Variants in SPAG4 observed in about 807,000 individuals in gnomAD.
SPAG4 encodes the protein sperm associated antigen 4.
Under a neutral mutation model 53.9 loss-of-function variants are expected in SPAG4, and 54 were observed. The ratio of observed to expected loss-of-function variants is 1.00; its 90% confidence interval spans 0.80 to 1.26. SPAG4 has a LOEUF of 1.26. Ranked by LOEUF, SPAG4 falls within the 50% of genes most tolerant of loss-of-function variation. The pLI, the probability that SPAG4 is intolerant of heterozygous loss-of-function variation, is 0.00. For synonymous variants in SPAG4, 246 were observed against 237.4 expected (o/e 1.04, Z -0.33); for missense variants, 548 against 568.6 (o/e 0.96, Z 0.37).
intron 9 of SPAG4, 30 bp from the exon 10 acceptor site, chr20:35,619,549 G>T (rs777993539): frequency 3.1e-6 from 5 of 1,604,204 alleles, no homozygotes; most frequent in Non-Finnish European, 4.3e-6. Flanking sequence ...TCTGTCCGAC[G>T]GTTCCGATGG....
intron 1 of SPAG4, chr20:35,616,886 T>A: frequency 2.0e-6 from 1 of 508,732 alleles, no homozygotes; most frequent in Non-Finnish European, 3.5e-6. Flanking sequence ...CGCCTCGGCC[T>A]CCCAAATCGC....
At position 35,621,011 on chromosome 20, in the gene SPAG4, G is replaced by A. The variant is rs763947846; in HGVS notation, c.1303G>A (p.Gly435Arg). The A allele has an allele frequency of 6.8e-6, 11 of 1,613,790 alleles. No homozygotes were observed. Among genetic ancestry groups the A allele is most frequent in the Non-Finnish European group, 7.6e-6 (9 of 1,179,804 alleles). The change falls in exon 12 of 12, where the codon GGG (glycine) becomes AGG (arginine). Residue 435 changes from glycine to arginine, a missense_variant. Physicochemically the swap from Gly to Arg is moderately radical, Grantham distance 125. Coordinates refer to ENST00000374273, the MANE Select transcript of SPAG4 (RefSeq NM_003116.3). ...AGAGGGGGCAGAGGGCAGTGCACAG[G>A]GGCCCCATTAAACATGCTGATTTTT... is the stretch of plus-strand genomic sequence containing the variant. ...TSEGAEGSAQ[G>R]PH
chr20:35,619,121 C>G, intron 8 of SPAG4, 74 bp from the exon 9 acceptor site: 1 of 1,125,144 alleles, frequency 8.9e-7, no homozygotes, highest in Non-Finnish European at 1.3e-6. Context: ...CACCCGCCCC[C>G]AGCCCCCGCG....
Position 35,618,085 on chromosome 20 carries a change from A to C in SPAG4, c.539-2A>C. The C allele has an allele frequency of 6.2e-7, 1 of 1,613,222 alleles. No individual in the cohort carries two copies. Among genetic ancestry groups the C allele is most frequent in the East Asian group, 2.2e-5 (1 of 44,852 alleles). On this transcript the variant is annotated splice_acceptor_variant, in intron 4 of 11. Transcript: ENST00000374273. LOFTEE classifies it high-confidence loss of function. ...CTGAGACCCCTCCCTCTCTTTCTCC[A>C]GCATTCTGGCTGGGGCTTCTGTACC...
chr20:35,616,031 G>T lies in SPAG4; in HGVS notation c.28G>T (p.Ala10Ser). Residue 10 changes from alanine to serine, a missense_variant, in exon 1 of 12, where the codon GCC becomes TCC. Ala to Ser is a moderately conservative substitution (Grantham distance 99). Coordinates refer to ENST00000374273, the MANE Select transcript of SPAG4 (RefSeq NM_003116.3). ...GCGGCGAAGCTCCCGCCCGGGCTCG[G>T]CCTCGTCCTCGCGCAAGCACACGCC... Reference protein sequence around the residue: MRRSSRPGSASSSRKHTPNF... With the variant: MRRSSRPGSSSSSRKHTPNF... 6.2e-7 allele frequency: 1 copy of T among 1,612,338 alleles called. No homozygotes were observed. Among genetic ancestry groups the T allele is most frequent in the Non-Finnish European group, 8.5e-7 (1 of 1,179,638 alleles).
At chr20:35,616,715 C>T (rs1460344545) in intron 1 of SPAG4, among the ~76,000 whole-genome samples, 1 of 152,040 alleles carries the variant, frequency 6.6e-6, no homozygotes, top group African/African-American at 2.4e-5. Context: ...CCGCAACCTC[C>T]GCCTCCCGGG....
Position 35,616,259 on chromosome 20 carries a change from A to T in SPAG4, c.256A>T (p.Asn86Tyr). ...SQQKPAPRSH[N>Y]WQTACGAATV... ...GCAGAAGCCAGCGCCTCGGAGCCAC[A>T]ACTGGCAGACAGCCTGTGGCGCGGC... The change falls in exon 1 of 12, where the codon AAC becomes TAC. Residue 86 changes from asparagine to tyrosine, a missense_variant. By Grantham distance (143) the Asn-to-Tyr change is moderately radical (BLOSUM62 -2). Coordinates refer to ENST00000374273, the MANE Select transcript of SPAG4 (RefSeq NM_003116.3). 1.3e-6 allele frequency: 2 copies of T among 1,510,778 alleles called. No homozygotes were observed. Among genetic ancestry groups the T allele is most frequent in the Non-Finnish European group, 1.8e-6 (2 of 1,133,802 alleles). The allele number at this position is 1,510,778 out of a possible 1,614,324, so 93.6% of individuals were successfully genotyped here.
chr20:35,617,431 C>A, intron 2 of SPAG4, 89 bp from the exon 3 acceptor site: 1 of 1,262,886 alleles, frequency 7.9e-7, no homozygotes, highest in Non-Finnish European at 1.1e-6. Flanking sequence ...CGGCCCCTCC[C>A]AAGCCCCTTC....
At chr20:35,617,937 CAT>C in intron 4 of SPAG4, 97 bp downstream of exon 4, 2 of 1,400,452 alleles carry the variant, frequency 1.4e-6, no homozygotes, top group South Asian at 2.4e-5. Flanking sequence ...CAGCTCCTGG[CAT>C]TCCCCTGCAG....
rs770849910 is a variant in SPAG4 at position 35,616,216 on chromosome 20, A to C, written c.213A>C (p.Thr71=). The C allele has an allele frequency of 6.3e-7, 1 of 1,579,654 alleles. No homozygotes were observed. The highest frequency in any genetic ancestry group is 8.6e-7 in the Non-Finnish European group (1 of 1,165,608). ...GCGCGGGAGTGCCCGGAGGAACCAC[A>C]TGGGCAGGAAGCTCTCAGCAGAAGC... ...ALSAGVPGGT[T]WAGSSQQKPA... is the part of the protein sequence containing the mutation. The change falls in exon 1 of 12, where the codon ACA becomes ACC. Residue 71 remains threonine (T), a synonymous_variant. Coordinates refer to ENST00000374273, the MANE Select transcript of SPAG4 (RefSeq NM_003116.3).
intron 10 of SPAG4, among the ~76,000 whole-genome samples, chr20:35,620,163 G>T (rs1329912053): frequency 6.6e-6 from 1 of 152,166 alleles, no homozygotes; most frequent in East Asian, 1.9e-4. Context: ...TAGAGATGGG[G>T]TTTCACCATG....
Position 35,616,163 on chromosome 20 carries a change from G to A in SPAG4, c.160G>A (p.Gly54Ser), listed in dbSNP as rs1192777892. 1 of 1,598,266 alleles carries A rather than the reference G, an allele frequency of 6.3e-7. No individual in the cohort carries two copies. The highest frequency in any genetic ancestry group is 1.1e-5 in the South Asian group (1 of 89,870). Residue 54 changes from glycine to serine, a missense_variant, in exon 1 of 12, where the codon GGC becomes AGC. Physicochemically the swap from Gly to Ser is moderately conservative, Grantham distance 56 (BLOSUM62 0). Transcript: ENST00000374273. ...PGEPEGRRAR[G>S]PSCGEPALSA... is the part of the protein sequence containing the mutation. ...GGAGCCCGAGGGCAGAAGAGCCCGG[G>A]GCCCGAGCTGCGGTGAGCCCGCCTT...
At chr20:35,617,973 TC>T (rs1479705675) in intron 4 of SPAG4, 113 bp from the exon 5 acceptor site, 4 of 1,350,828 alleles carry the variant, frequency 3.0e-6, no homozygotes, top group Non-Finnish European at 4.2e-6. Context: ...CCCCTCAGAC[TC>T]CCACGGTCCT....
At chr20:35,619,135 C>G in intron 8 of SPAG4, 60 bp from the exon 9 acceptor site, 2 of 1,397,442 alleles carry the variant, frequency 1.4e-6, no homozygotes, top group Non-Finnish European at 2.0e-6. Context: ...CCCCGCGCCC[C>G]CGCGCCCCGA....
intron 1 of SPAG4, 82 bp from the exon 2 acceptor site, chr20:35,617,054 C>A: frequency 1.1e-6 from 1 of 883,878 alleles, no homozygotes. Context: ...GGCTTGTGGA[C>A]TGAGCAATCT....
Position 35,617,215 on chromosome 20 carries a change from C to A in SPAG4, c.384C>A (p.Pro128=). 3 of 1,600,706 alleles carry A rather than the reference C, an allele frequency of 1.9e-6. No individual in the cohort carries two copies. The highest frequency in any genetic ancestry group is 2.3e-5 in the East Asian group (1 of 44,280). ...PTLDLRQEMP[P]PRVFKSFLSL... ...TGGATCTGAGGCAGGAGATGCCTCCCCCGCGGGTGTTCAAGAGCTTTCTGA... is the reference window on the plus strand; with the variant it reads ...TGGATCTGAGGCAGGAGATGCCTCCACCGCGGGTGTTCAAGAGCTTTCTGA... Residue 128 remains proline, a synonymous_variant, in exon 2 of 12, where the codon CCC becomes CCA. Transcript: ENST00000374273.
chr20:35,617,458 G>A (rs1168627868), intron 2 of SPAG4, 62 bp from the exon 3 acceptor site: 2 of 1,332,530 alleles, frequency 1.5e-6, no homozygotes, highest in South Asian at 2.5e-5. Flanking sequence ...CGGACACCAC[G>A]CAGGCTGAGC....
At chr20:35,619,092 C>A (rs945867534) in intron 8 of SPAG4, 94 bp downstream of exon 8, 3 of 1,431,792 alleles carry the variant, frequency 2.1e-6, no homozygotes, top group Non-Finnish European at 2.9e-6. Flanking sequence ...CGGCCGAAGA[C>A]AGAGCCTCGG....
In SPAG4 at chr20:35,615,896, G is replaced by A. The variant is rs1332882741; in HGVS notation, c.-108G>A. 9.0e-7 allele frequency: 1 copy of A among 1,108,816 alleles called. No homozygotes were observed. The highest frequency in any genetic ancestry group is 1.2e-6 in the Non-Finnish European group (1 of 801,044). 68.7% of individuals were successfully genotyped at this position (1,108,816 alleles called of 1,614,324 possible). A position where few individuals can be genotyped will look rare whatever the true frequency, so the allele number is the denominator to read the frequency against. ...CGGCCGCGGGGCCTGCCGACTTCAC[G>A]CAGGGTCCGTGGGGTCCCCGCGGCG... On this transcript the variant is annotated 5_prime_UTR_variant, in exon 1 of 12. Transcript: ENST00000374273.
Sources: gnomAD v4.1 joint callset for allele counts (sites outside exome capture counted in the v4.1 genomes callset) on GRCh38, gnomAD v4.1.1 for gene constraint, MANE v1.5 for transcripts, NCBI Gene and HGNC (gene_info 2026-07-23, HGNC 2026-07-21) for gene names.